ARRDC1: variants seen among roughly 807,000 people sequenced by gnomAD.
The protein encoded by ARRDC1 is arrestin domain containing 1.
In ARRDC1, 37 loss-of-function variants were observed where a neutral mutation model predicts 40.1. That is an observed-to-expected ratio of 0.92 (90% CI 0.71 to 1.21). ARRDC1 has a LOEUF of 1.21. ARRDC1 is among the 50% of genes most tolerant of loss of function. The pLI, the probability that ARRDC1 is intolerant of heterozygous loss-of-function variation, is 0.00. For missense variants in ARRDC1, 641 were observed against 581.9 expected (o/e 1.10, Z -1.04); for synonymous variants, 310 against 262.5 (o/e 1.18, Z -1.75).
At chr9:137,612,868 G>T in intron 1 of ARRDC1, 28 bp from the exon 2 acceptor site, 1 of 1,577,236 alleles carries the variant, frequency 6.3e-7, no homozygotes, top group South Asian at 1.1e-5. Context: ...TCGGCTGGCT[G>T]GGGCTCATGC....
chr9:137,614,434 C>T lies in ARRDC1; in HGVS notation c.754C>T (p.Leu252=), dbSNP rs938320388. Reference sequence around the variant, plus strand: ...GGTGCCTGCCTTGCCCCAGTCGGCCCTGCCGGGCTGCAGCCTCATCCACAT... The same window carrying T: ...GGTGCCTGCCTTGCCCCAGTCGGCCTTGCCGGGCTGCAGCCTCATCCACAT... ...ILVPALPQSA[L]PGCSLIHIDY... is the part of the protein sequence containing the mutation. Residue 252 remains leucine (L), a synonymous_variant, in exon 6 of 8, where the codon CTG becomes TTG. Coordinates refer to ENST00000371421, the MANE Select transcript of ARRDC1 (RefSeq NM_152285.4). 6 of 1,613,220 alleles carry T rather than the reference C, an allele frequency of 3.7e-6. No individual in the cohort carries two copies. The Admixed American group carries it at 5.0e-5, about 13-fold the overall frequency.
intron 1 of ARRDC1, among the ~76,000 whole-genome samples, chr9:137,611,091 C>T (rs1257867954): frequency 6.6e-6 from 1 of 152,248 alleles, no homozygotes; most frequent in African/African-American, 2.4e-5. Context: ...GCCTCCTCTC[C>T]TTGCTTCAGC....
Position 137,614,303 on chromosome 9 carries a change from T to A in ARRDC1, c.623T>A (p.Val208Glu). 6.3e-7 allele frequency: 1 copy of A among 1,591,082 alleles called. No individual in the cohort carries two copies. Among genetic ancestry groups the A allele is most frequent in the Non-Finnish European group, 8.6e-7 (1 of 1,166,618 alleles). ...CACAGGCTGGTCCTTCCCCAGAAAG[T>A]GTCCTATAAGGCCAAGCGCTGGATC... ...SPVVASLLQK[V>E]SYKAKRWIHD... Residue 208 changes from valine (V) to glutamate (E), a missense_variant, in exon 6 of 8, where the codon GTG (valine) becomes GAG (glutamate). Val to Glu is a moderately radical substitution (Grantham distance 121). Transcript: ENST00000371421.
rs1447258143 is a variant in ARRDC1, at chr9:137,615,170, C to T, written c.*32C>T. 6.7e-7 allele frequency: 1 copy of T among 1,503,354 alleles called. No homozygotes were observed. The highest frequency in any genetic ancestry group is 8.9e-7 in the Non-Finnish European group (1 of 1,127,510). The allele number at this position is 1,503,354 out of a possible 1,614,324, so 93.1% of individuals were successfully genotyped here. A position where few individuals can be genotyped will look rare whatever the true frequency, so the allele number is the denominator to read the frequency against. Reference sequence around the variant, plus strand: ...GCTGCCTTCTCCAGGCAGGCCTGGCCTCTGCCCTGGGACTGGGGCGCCCAG... The same window carrying T: ...GCTGCCTTCTCCAGGCAGGCCTGGCTTCTGCCCTGGGACTGGGGCGCCCAG... On this transcript the variant is annotated 3_prime_UTR_variant, in exon 8 of 8. Transcript: ENST00000371421.
intron 1 of ARRDC1, among the ~76,000 whole-genome samples, chr9:137,610,973 A>G (rs1343191225): frequency 6.6e-6 from 1 of 152,236 alleles, no homozygotes; most frequent in Non-Finnish European, 1.5e-5. Flanking sequence ...CTGGGATTAC[A>G]GGTGTGAGCC....
rs767615208 is a variant in ARRDC1 at position 137,614,737 on chromosome 9, G to C, written c.974G>C (p.Gly325Ala). ...GCTGAGGCTGAGGCTGCGGCTGGCG[G>C]CCCCCACTTCTTGGACCCCGTCTTC... Reference protein sequence around the residue: ...EEAEAEAAAGGPHFLDPVFLS... With the variant: ...EEAEAEAAAGAPHFLDPVFLS... The change falls in exon 7 of 8, where the codon GGC becomes GCC. Residue 325 changes from glycine to alanine, a missense_variant. By Grantham distance (60) the Gly-to-Ala change is moderately conservative. Transcript: ENST00000371421. The C allele has an allele frequency of 6.2e-7, 1 of 1,608,282 alleles. No individual in the cohort carries two copies. The highest frequency in any genetic ancestry group is 1.7e-5 in the Admixed American group (1 of 59,170).
chr9:137,613,301 A>G (rs1588989660), intron 2 of ARRDC1, 159 bp from the exon 3 acceptor site: 2 of 857,548 alleles, frequency 2.3e-6, no homozygotes, highest in African/African-American at 1.7e-5. Flanking sequence ...TCAGTCCTTC[A>G]CCCAAGCCAC....
At chr9:137,610,397 C>CT (rs527650643) in intron 1 of ARRDC1, among the ~76,000 whole-genome samples, 13 of 149,100 alleles carry the variant, frequency 8.7e-5, no homozygotes, top group South Asian at 6.4e-4. Flanking sequence ...CAGCATTTTT[C>CT]TTTTTTTTTT....
At position 137,614,355 on chromosome 9, in the gene ARRDC1, G is replaced by A; in HGVS notation, c.675G>A (p.Val225=). The part of the protein sequence containing the change: ...WIHDVRTIAE[V]EGAGVKAWRR... ...ACGACGTACGGACCATTGCGGAGGT[G>A]GAGGGTGCGGGCGTCAAGGCCTGGC... Residue 225 remains valine (V), a synonymous_variant, in exon 6 of 8, where the codon GTG becomes GTA. Coordinates refer to ENST00000371421, the MANE Select transcript of ARRDC1 (RefSeq NM_152285.4). 6.2e-7 allele frequency: 1 copy of A among 1,612,900 alleles called. No homozygotes were observed. The highest frequency in any genetic ancestry group is 8.5e-7 in the Non-Finnish European group (1 of 1,179,526).
At chr9:137,606,676 G>A (rs1030203522) in intron 1 of ARRDC1, among the ~76,000 whole-genome samples, 1 of 152,210 alleles carries the variant, frequency 6.6e-6, no homozygotes, top group Non-Finnish European at 1.5e-5. Context: ...GGAAGAAGCC[G>A]GGTGGTAGGT....
At position 137,614,475 on chromosome 9, in the gene ARRDC1, G is replaced by A; in HGVS notation, c.795G>A (p.Gln265=). The A allele has an allele frequency of 1.2e-6, 2 of 1,613,328 alleles. No individual in the cohort carries two copies. The highest frequency in any genetic ancestry group is 1.3e-5 in the African/African-American group (1 of 75,042). ...CSLIHIDYYL[Q]VSLKAPEATV... ...TCATCCACATCGACTACTACTTACA[G>A]GTTTGGTGCTGCTGGGGGCTGGGTG... Residue 265 remains glutamine (Q), a splice_region_variant and synonymous_variant, in exon 6 of 8, where the codon CAG becomes CAA. Coordinates refer to ENST00000371421, the MANE Select transcript of ARRDC1 (RefSeq NM_152285.4).
At chr9:137,611,582 ACAAC>A (rs139232235) in intron 1 of ARRDC1, 22,380 of 149,852 alleles carry the variant, frequency 0.15, 1,928 homozygotes, top group Admixed American at 0.29. Context: ...AACAACAACA[ACAAC>A]AAAAAAACAA....
At position 137,614,566 on chromosome 9, in the gene ARRDC1, T is replaced by A; in HGVS notation, c.803T>A (p.Leu268Gln). The change falls in exon 7 of 8, where the codon CTG becomes CAG. Residue 268 changes from leucine to glutamine, a missense_variant. Leu to Gln is a moderately radical substitution (Grantham distance 113, BLOSUM62 -2). Coordinates refer to ENST00000371421, the MANE Select transcript of ARRDC1 (RefSeq NM_152285.4). ...CACCTCAATCCTGTCCAGGTCTCTCTGAAGGCGCCGGAAGCTACTGTGACC... is the reference window on the plus strand; with the variant it reads ...CACCTCAATCCTGTCCAGGTCTCTCAGAAGGCGCCGGAAGCTACTGTGACC... ...IHIDYYLQVS[L>Q]KAPEATVTLP... The A allele has an allele frequency of 1.2e-6, 2 of 1,613,058 alleles. No homozygotes were observed. Among genetic ancestry groups the A allele is most frequent in the Non-Finnish European group, 1.7e-6 (2 of 1,179,922 alleles).
In ARRDC1 at chr9:137,614,320, C is replaced by T. The variant is rs147985210; in HGVS notation, c.640C>T (p.Arg214Cys). The stretch of plus-strand genomic sequence containing the variant: ...CCAGAAAGTGTCCTATAAGGCCAAG[C>T]GCTGGATCCACGACGTACGGACCAT... ...LLQKVSYKAK[R>C]WIHDVRTIAE... is the part of the protein sequence containing the mutation. The change falls in exon 6 of 8, where the codon CGC (arginine) becomes TGC (cysteine). Residue 214 changes from arginine to cysteine, a missense_variant. Arg to Cys is a radical substitution (Grantham distance 180). Transcript: ENST00000371421. The T allele has an allele frequency of 2.1e-5, 34 of 1,605,696 alleles. No individual in the cohort carries two copies. The African/African-American group carries it at 2.4e-4, about 11-fold the overall frequency.
In ARRDC1 at chr9:137,614,970, CCA is replaced by C. The variant is rs746311327; in HGVS notation, c.1208_1209del (p.Pro403ArgfsTer10). Reference protein sequence around the residue: ...VPTTSTLILPPEYSSWGYPYE... With the variant: ...VPTTSTLILPXEYSSWGYPYE... ...CACTACCAGCACCTTGATTCTTCCT[CCA>C]GAGTACAGTTCTTGGGGCTACCCCT... On this transcript the variant is annotated frameshift_variant, in exon 7 of 8. Transcript: ENST00000371421. LOFTEE classifies it high-confidence loss of function. The C allele has an allele frequency of 1.9e-6, 3 of 1,613,834 alleles. No homozygotes were observed. Among genetic ancestry groups the C allele is most frequent in the Middle Eastern group, 3.3e-4 (2 of 6,060 alleles).
intron 1 of ARRDC1, among the ~76,000 whole-genome samples, chr9:137,609,477 G>A (rs1842476663): frequency 1.3e-5 from 2 of 151,962 alleles, no homozygotes; most frequent in Admixed American, 6.6e-5. Flanking sequence ...CAGGTGATCC[G>A]CCCGCCTCAG....
At position 137,615,077 on chromosome 9, in the gene ARRDC1, C is replaced by T. The variant is rs765901267; in HGVS notation, c.1241C>T (p.Ala414Val). ...EYSSWGYPYE[A>V]PPSYEQSCGG... ...AGACCCTGCTTTCTTCCCGCAGAGG[C>T]CCCACCGTCTTATGAGCAGAGCTGC... The change falls in exon 8 of 8, where the codon GCC (alanine) becomes GTC (valine). Residue 414 changes from alanine to valine, a missense_variant. Transcript: ENST00000371421. The T allele has an allele frequency of 6.3e-7, 1 of 1,598,252 alleles. No individual in the cohort carries two copies.
chr9:137,615,134 G>C lies in ARRDC1; in HGVS notation c.1298G>C (p.Ser433Thr), dbSNP rs1440004434. ...GTGGAACCCAGCCTGACCCCTGAGA[G>C]CTGACCCCGTGCTGCCTTCTCCAGG... ...GGVEPSLTPE[S>T] is the part of the protein sequence containing the mutation. The change falls in exon 8 of 8, where the codon AGC becomes ACC. Residue 433 changes from serine to threonine, a missense_variant. Ser to Thr is a moderately conservative substitution (Grantham distance 58). Coordinates refer to ENST00000371421, the MANE Select transcript of ARRDC1 (RefSeq NM_152285.4). The C allele has an allele frequency of 6.5e-7, 1 of 1,536,834 alleles. No homozygotes were observed. Among genetic ancestry groups the C allele is most frequent in the Non-Finnish European group, 8.8e-7 (1 of 1,140,566 alleles).
rs1271808746 is a variant in ARRDC1, at chr9:137,614,597, G to A, written c.834G>A (p.Pro278=). The part of the protein sequence containing the change: ...LKAPEATVTL[P]VFIGNIAVNH... ...CGCCGGAAGCTACTGTGACCCTCCC[G>A]GTCTTCATTGGCAATATTGCTGTGA... Residue 278 remains proline (P), a synonymous_variant, in exon 7 of 8, where the codon CCG becomes CCA. Coordinates refer to ENST00000371421, the MANE Select transcript of ARRDC1 (RefSeq NM_152285.4). 4.3e-6 allele frequency: 7 copies of A among 1,612,798 alleles called. No individual in the cohort carries two copies. The highest frequency in any genetic ancestry group is 3.3e-5 in the Admixed American group (2 of 59,980).
Sources: gnomAD v4.1 joint callset for allele counts (sites outside exome capture counted in the v4.1 genomes callset) on GRCh38, gnomAD v4.1.1 for gene constraint, MANE v1.5 for transcripts, NCBI Gene and HGNC (gene_info 2026-07-23, HGNC 2026-07-21) for gene names.